Variants in CSNK2A2IP observed in about 807,000 individuals in gnomAD.
The protein encoded by CSNK2A2IP is casein kinase II subunit alpha'-interacting protein.
At chr3:88,434,353 GA>G in the CSNK2A2IP span, among the ~76,000 whole-genome samples, 54,534 of 149,902 alleles carry the variant, frequency 0.36, 11,016 homozygotes, top group Non-Finnish European at 0.47. Context: ...TCCAAATGCA[GA>G]AAAAAAAAAT....
the CSNK2A2IP span, chr3:88,466,403 C>A: frequency 2.4e-6 from 3 of 1,231,936 alleles, no homozygotes; most frequent in Non-Finnish European, 3.0e-6. Flanking sequence ...AATACCACTT[C>A]ACCAAATGGC....
the CSNK2A2IP span, among the ~76,000 whole-genome samples, chr3:88,368,927 G>GT: frequency 2.0e-5 from 3 of 151,976 alleles, no homozygotes; most frequent in Non-Finnish European, 4.4e-5. Context: ...CTCCTCACAT[G>GT]TTCCTCAAAT....
chr3:88,360,870 T>C, the CSNK2A2IP span, among the ~76,000 whole-genome samples: 1 of 152,186 alleles, frequency 6.6e-6, no homozygotes, highest in East Asian at 1.9e-4. Context: ...GTGGTTACCA[T>C]GAGAATTACA....
the CSNK2A2IP span, chr3:88,466,436 C>T: frequency 8.1e-7 from 1 of 1,231,926 alleles, no homozygotes; most frequent in Non-Finnish European, 1.0e-6. Context: ...ACACATCTAC[C>T]ATCACCCCAT....
At chr3:88,440,590 T>C in the CSNK2A2IP span, among the ~76,000 whole-genome samples, 1 of 152,214 alleles carries the variant, frequency 6.6e-6, no homozygotes, top group African/African-American at 2.4e-5. Context: ...AAAAAGTACT[T>C]TTTGGATAAT....
At chr3:88,371,317 G>A in the CSNK2A2IP span, among the ~76,000 whole-genome samples, 1 of 151,762 alleles carries the variant, frequency 6.6e-6, no homozygotes, top group African/African-American at 2.4e-5. Flanking sequence ...AGGGAAATGA[G>A]TTATTGCAGA....
chr3:88,435,886 ATATAATGCACATTATGTG>A, the CSNK2A2IP span, among the ~76,000 whole-genome samples: 53,738 of 103,688 alleles, frequency 0.52, 11,090 homozygotes, highest in Non-Finnish European at 0.6. Context: ...TGCATTATAT[ATATAATGCACATTATGTG>A]TGCATTATAT....
chr3:88,357,115 TTGTGATCTCA>T, the CSNK2A2IP span, among the ~76,000 whole-genome samples: 2 of 152,120 alleles, frequency 1.3e-5, no homozygotes, highest in Non-Finnish European at 2.9e-5. Context: ...TTTTAGCTTT[TTGTGATCTCA>T]TTATCTATTT....
the CSNK2A2IP span, among the ~76,000 whole-genome samples, chr3:88,414,779 TATATTA>T: frequency 5.9e-5 from 9 of 151,934 alleles, no homozygotes; most frequent in Non-Finnish European, 1.5e-5. Flanking sequence ...GACAGTACAG[TATATTA>T]ATCAAATCGA....
the CSNK2A2IP span, among the ~76,000 whole-genome samples, chr3:88,376,233 G>A: frequency 1.3e-5 from 2 of 150,876 alleles, no homozygotes; most frequent in African/African-American, 4.9e-5. Context: ...TTTTTTCATT[G>A]TACTCCTCTC....
chr3:88,422,837 T>C, the CSNK2A2IP span, among the ~76,000 whole-genome samples: 1 of 152,224 alleles, frequency 6.6e-6, no homozygotes, highest in Non-Finnish European at 1.5e-5. Flanking sequence ...TATGTCTTCA[T>C]CTTTTAATCT....
At chr3:88,401,479 A>G in the CSNK2A2IP span, among the ~76,000 whole-genome samples, 1 of 152,078 alleles carries the variant, frequency 6.6e-6, no homozygotes, top group Non-Finnish European at 1.5e-5. Context: ...TAAAACAAAA[A>G]CTTACCTTCT....
the CSNK2A2IP span, among the ~76,000 whole-genome samples, chr3:88,419,155 T>C: frequency 6.6e-6 from 1 of 152,148 alleles, no homozygotes; most frequent in South Asian, 2.1e-4. Flanking sequence ...TCATTATATA[T>C]TACAATGTAA....
At chr3:88,440,199 T>G in the CSNK2A2IP span, among the ~76,000 whole-genome samples, 20 of 152,342 alleles carry the variant, frequency 1.3e-4, no homozygotes, top group Admixed American at 9.8e-4. Context: ...TTTCCATGTA[T>G]TTTGCATTTT....
At chr3:88,398,630 C>T in the CSNK2A2IP span, among the ~76,000 whole-genome samples, 2 of 152,118 alleles carry the variant, frequency 1.3e-5, no homozygotes, top group Non-Finnish European at 2.9e-5. Flanking sequence ...AAGGTCCCAT[C>T]TTGACTGTGA....
At chr3:88,367,707 C>T in the CSNK2A2IP span, among the ~76,000 whole-genome samples, 5 of 152,026 alleles carry the variant, frequency 3.3e-5, no homozygotes, top group African/African-American at 9.7e-5. Flanking sequence ...CTTTTCAACA[C>T]TCAGGAATGA....
At chr3:88,339,380 C>T in the CSNK2A2IP span, among the ~76,000 whole-genome samples, 1 of 151,960 alleles carries the variant, frequency 6.6e-6, no homozygotes, top group East Asian at 1.9e-4. Flanking sequence ...GACTTCATTC[C>T]TTTTTATGGC....
chr3:88,365,859 C>T, the CSNK2A2IP span, among the ~76,000 whole-genome samples: 2 of 152,118 alleles, frequency 1.3e-5, no homozygotes, highest in Non-Finnish European at 2.9e-5. Context: ...GTGATAATCT[C>T]ATGGAAGATC....
the CSNK2A2IP span, among the ~76,000 whole-genome samples, chr3:88,459,451 A>G: frequency 2.6e-5 from 4 of 152,182 alleles, no homozygotes; most frequent in South Asian, 2.1e-4. Context: ...TAAGTTTTCT[A>G]TATTCTAAAT....
Sources: allele counts gnomAD v4.1 joint callset (sites outside exome capture counted in the v4.1 genomes callset), GRCh38; gene constraint gnomAD v4.1.1; transcripts MANE v1.5; gene names NCBI Gene and HGNC (gene_info 2026-07-23, HGNC 2026-07-21).